PABIR3: variants seen among roughly 807,000 people sequenced by gnomAD.
The protein encoded by PABIR3 is PABIR family member 3.
PABIR3 carries 20 observed loss-of-function variants against 23.1 expected under a neutral mutation model. The observed-to-expected ratio is 0.86, with a 90% CI of 0.61 to 1.26. The LOEUF is 1.26. Among genes scored for constraint, PABIR3 ranks in the 50% most tolerant of loss-of-function variants. The pLI is 0.00. For missense variants in PABIR3, 189 were observed against 195.4 expected, an observed-to-expected ratio of 0.97 and a Z score of 0.20; for synonymous variants, 69 against 68.5, an observed-to-expected ratio of 1.01 and a Z score of -0.04.
Position 134,841,439 on chromosome X carries a change from G to A in PABIR3, c.247-3766G>A, listed in dbSNP as rs567881378. 1.3e-4 allele frequency among the ~76,000 whole-genome samples: 15 copies of A among 111,636 alleles called. 1 individual carries two copies. In the South Asian group the frequency reaches 4.5e-3, roughly 33 times the overall value. ...TACACTGCATTTACTTATACATTTT[G>A]GACATATACCACTGTGCTATTATGT... On this transcript the variant is annotated intron_variant, in intron 4 of 10. Coordinates refer to ENST00000645433, the MANE Select transcript of PABIR3 (RefSeq NM_001388447.1).
chrX:134,844,951 A>G (rs1393811463), intron 4 of PABIR3, among the ~76,000 whole-genome samples: 1 of 112,403 alleles, frequency 8.9e-6, no homozygotes, highest in Non-Finnish European at 1.9e-5. Context: ...TTGAATAAAG[A>G]AAAGTACAAA....
intron 4 of PABIR3, chrX:134,835,273 T>C (rs1225544575): frequency 9.3e-6 from 1 of 107,617 alleles, no homozygotes; most frequent in Non-Finnish European, 1.9e-5. Flanking sequence ...ATGTTGGCCA[T>C]GGTAGAGAGG....
rs183085850 is a variant in PABIR3 at position 134,840,309 on chromosome X, G to A, written c.247-4896G>A. Among the ~76,000 whole-genome samples, 8 of 108,710 alleles carry A rather than the reference G, an allele frequency of 7.4e-5. No homozygotes were observed. The East Asian group carries it at 2.0e-3, about 27-fold the overall frequency. 94.4% of individuals were successfully genotyped at this position (108,710 alleles called of 115,157 possible). On this transcript the variant is annotated intron_variant, in intron 4 of 10. Coordinates refer to ENST00000645433, the MANE Select transcript of PABIR3 (RefSeq NM_001388447.1). ...GACCTTCCCTCCACTATTGTCCTGA[G>A]ACCCTGCCAAATCCCCCTCTGCGAG...
chrX:134,828,061 A>ATTTT (rs2148246841), intron 3 of PABIR3, among the ~76,000 whole-genome samples: 1 of 100,229 alleles, frequency 1.0e-5, no homozygotes, highest in African/African-American at 3.6e-5. Context: ...ATATATATAT[A>ATTTT]TATATATATG....
At chrX:134,864,067 G>T in the PABIR3 span, among the ~76,000 whole-genome samples, 3 of 109,625 alleles carry the variant, frequency 2.7e-5, no homozygotes, top group Admixed American at 2.9e-4. Context: ...TTTTATTTTT[G>T]AGACAGTCTC....
chrX:134,843,059 GC>G (rs2148330042), intron 4 of PABIR3, among the ~76,000 whole-genome samples: 1 of 109,452 alleles, frequency 9.1e-6, no homozygotes, highest in South Asian at 4.0e-4. Flanking sequence ...AATTAGCCGG[GC>G]CTGGTGGCAT....
intron 3 of PABIR3, among the ~76,000 whole-genome samples, chrX:134,820,701 T>C (rs1257142373): frequency 1.8e-5 from 2 of 111,459 alleles, no homozygotes; most frequent in African/African-American, 6.5e-5. Flanking sequence ...TTTTAAAAAT[T>C]GGTGCTGCTT....
chrX:134,847,472 G>T lies in PABIR3; in HGVS notation c.435G>T (p.Gly145=). 1 of 1,182,773 alleles carries T rather than the reference G, an allele frequency of 8.5e-7. No individual in the cohort carries two copies. Among genetic ancestry groups the T allele is most frequent in the Non-Finnish European group, 1.1e-6 (1 of 870,410 alleles). Reference sequence around the variant, plus strand: ...TGGCTTCTTCCATCAAGAAGACTGGGAAGGTAAGAAAGGAGTACCTAAAAG... The same window carrying T: ...TGGCTTCTTCCATCAAGAAGACTGGTAAGGTAAGAAAGGAGTACCTAAAAG... The part of the protein sequence containing the change: ...SSMASSIKKT[G]KQCFSPSLQT... Residue 145 remains glycine (G), a synonymous_variant, in exon 7 of 11, where the codon GGG becomes GGT. Transcript: ENST00000645433.
intron 4 of PABIR3, among the ~76,000 whole-genome samples, chrX:134,843,420 A>AG (rs372043671): frequency 2.1e-3 from 223 of 108,382 alleles, no homozygotes; most frequent in Non-Finnish European, 3.6e-3. Context: ...AAAAAAAAAA[A>AG]GGGGGTTCAA....
At chrX:134,836,136 C>G (rs2081965689) in intron 4 of PABIR3, among the ~76,000 whole-genome samples, 2 of 111,975 alleles carry the variant, frequency 1.8e-5, no homozygotes, top group Non-Finnish European at 3.8e-5. Context: ...CTACGCCTGG[C>G]CATTTTTTTA....
intron 10 of PABIR3, 127 bp from the exon 11 acceptor site, chrX:134,853,963 TA>T: frequency 1.4e-6 from 1 of 690,617 alleles, no homozygotes; most frequent in Non-Finnish European, 2.1e-6. Flanking sequence ...GTATGACTCT[TA>T]AAAAACTTTG....
At chrX:134,861,555 T>A in the PABIR3 span, among the ~76,000 whole-genome samples, 7 of 105,076 alleles carry the variant, frequency 6.7e-5, 1 homozygote, top group African/African-American at 2.4e-4. Flanking sequence ...GTGCCTGTAG[T>A]CCCAGCTACT....
At chrX:134,833,054 T>C (rs2081863426) in intron 4 of PABIR3, 1 of 111,401 alleles carries the variant, frequency 9.0e-6, no homozygotes, top group Non-Finnish European at 1.9e-5. Flanking sequence ...CACTGTGGAC[T>C]TGAGGATGTG....
chrX:134,813,455 A>C (rs958355081), intron 2 of PABIR3, among the ~76,000 whole-genome samples: 9 of 112,182 alleles, frequency 8.0e-5, no homozygotes, highest in East Asian at 2.8e-4. Flanking sequence ...TCAGAGAGCG[A>C]GTATAGAGGT....
At chrX:134,801,732 C>T (rs1372027141) in intron 1 of PABIR3, among the ~76,000 whole-genome samples, 1 of 111,831 alleles carries the variant, frequency 8.9e-6, no homozygotes, top group Non-Finnish European at 1.9e-5. Flanking sequence ...GCTTCTTGTC[C>T]CTGCATTTTT....
downstream of PABIR3, among the ~76,000 whole-genome samples, chrX:134,859,469 A>G (rs1163987059): frequency 9.0e-6 from 1 of 111,497 alleles, no homozygotes; most frequent in Non-Finnish European, 1.9e-5. Context: ...TGTGTGAATA[A>G]ATGATCCTCT....
intron 4 of PABIR3, among the ~76,000 whole-genome samples, chrX:134,840,674 TGA>T (rs2082200879): frequency 1.8e-5 from 2 of 111,120 alleles, no homozygotes; most frequent in African/African-American, 6.5e-5. Flanking sequence ...GCCGGGGTCC[TGA>T]CAATGACGTG....
At chrX:134,851,310 C>T (rs988466999) in intron 9 of PABIR3, among the ~76,000 whole-genome samples, 2 of 110,548 alleles carry the variant, frequency 1.8e-5, no homozygotes, top group Admixed American at 9.7e-5. Context: ...CCGAGGCGGG[C>T]GGATGACTTG....
At chrX:134,833,268 C>A (rs1006616048) in intron 4 of PABIR3, 1 of 111,691 alleles carries the variant, frequency 9.0e-6, no homozygotes, top group Non-Finnish European at 1.9e-5. Flanking sequence ...CATCCTTTTT[C>A]ATCGATCTGC....
Sources: gnomAD v4.1 joint callset for allele counts (sites outside exome capture counted in the v4.1 genomes callset) on GRCh38, gnomAD v4.1.1 for gene constraint, MANE v1.5 for transcripts, NCBI Gene and HGNC (gene_info 2026-07-23, HGNC 2026-07-21) for gene names.